Variants in CAPN3 observed in about 807,000 individuals in gnomAD.
CAPN3 encodes calpain-3.
Under a neutral mutation model 114.0 loss-of-function variants are expected in CAPN3, and 88 were observed. The ratio of observed to expected loss-of-function variants is 0.77; its 90% CI spans 0.65 to 0.92. The LOEUF is 0.92. Among genes scored for constraint, CAPN3 ranks in the 40% least tolerant of loss-of-function variants. CAPN3 has a pLI of 0.00. For synonymous variants in CAPN3, 386 were observed against 382.9 expected (o/e 1.01, Z -0.09); for missense variants, 1,028 against 1,069.0 (o/e 0.96, Z 0.53).
intron 10 of CAPN3, among the ~76,000 whole-genome samples, chr15:42,400,400 A>G (rs948436188): frequency 1.3e-5 from 2 of 152,194 alleles, no homozygotes; most frequent in African/African-American, 4.8e-5. Context: ...AATGATGTCA[A>G]GATTCCCAGT....
chr15:42,402,744 G>C (rs1432635522), intron 12 of CAPN3, 50 bp from the exon 13 acceptor site: 1 of 1,595,050 alleles, frequency 6.3e-7, no homozygotes, highest in South Asian at 1.1e-5. Flanking sequence ...GGCAGGACAG[G>C]ATGTTCCTCC....
chr15:42,411,688 C>CGGGGG, intron 23 of CAPN3, 59 bp from the exon 24 acceptor site: 1 of 455,374 alleles, frequency 2.2e-6, no homozygotes, highest in South Asian at 1.9e-5. Flanking sequence ...ATTCCTAGGG[C>CGGGGG]GGGGGGGGGG....
In CAPN3 at chr15:42,411,693, G is replaced by T. The variant is rs866034626; in HGVS notation, c.2440-54G>T. The T allele has an allele frequency of 2.1e-4, 146 of 708,800 alleles. 6 individuals are homozygous for T. The highest frequency in any genetic ancestry group is 1.2e-3 in the African/African-American group (51 of 41,108). The allele number at this position is 708,800 out of a possible 1,614,324, so 43.9% of individuals were successfully genotyped here. A position where few individuals can be genotyped will look rare whatever the true frequency, so the allele number is the denominator to read the frequency against. ...GCCCCGTAAGATTCCTAGGGCGGGG[G>T]GGGGGGGGGTCACTCTTTTCTGATC... On this transcript the variant is annotated intron_variant, in intron 23 of 23. Coordinates refer to ENST00000397163, the MANE Select transcript of CAPN3 (RefSeq NM_000070.3).
At chr15:42,407,147 G>A (rs953969236) in intron 15 of CAPN3, among the ~76,000 whole-genome samples, 43 of 152,076 alleles carry the variant, frequency 2.8e-4, no homozygotes, top group African/African-American at 8.0e-4. Context: ...GCCGCTCTCC[G>A]TCCTTTTCAT....
intron 1 of CAPN3, 59 bp downstream of exon 1, chr15:42,360,173 A>C: frequency 6.3e-7 from 1 of 1,595,940 alleles, no homozygotes; most frequent in East Asian, 2.2e-5. Flanking sequence ...CCTCTCACTC[A>C]GCACCTCCGG....
chr15:42,386,048 G>A (rs2053394949), intron 2 of CAPN3, 119 bp from the exon 3 acceptor site: 1 of 780,660 alleles, frequency 1.3e-6, no homozygotes, highest in Admixed American at 1.7e-5. Context: ...CTGGAAGTAG[G>A]AGAGTGGGCA....
At chr15:42,389,565 A>C (rs1161030587) in intron 5 of CAPN3, among the ~76,000 whole-genome samples, 1 of 152,214 alleles carries the variant, frequency 6.6e-6, no homozygotes. Flanking sequence ...AATGCTGTGA[A>C]CTGAGACAGG....
chr15:42,368,997 T>A (rs1464771217), intron 1 of CAPN3, among the ~76,000 whole-genome samples: 2 of 151,824 alleles, frequency 1.3e-5, no homozygotes, highest in Admixed American at 6.6e-5. Context: ...TAAAGACAGG[T>A]TTATTTTGGA....
chr15:42,398,636 T>C (rs150891938), intron 9 of CAPN3, among the ~76,000 whole-genome samples: 2,594 of 116,252 alleles, frequency 0.022, 36 homozygotes, highest in East Asian at 0.039. Flanking sequence ...CACACACACA[T>C]ATATATACAC....
At chr15:42,364,354 G>A (rs185095903) in intron 1 of CAPN3, among the ~76,000 whole-genome samples, 1 of 152,286 alleles carries the variant, frequency 6.6e-6, no homozygotes, top group African/African-American at 2.4e-5. Context: ...CAGGCTAAAG[G>A]CTTAAGACCA....
chr15:42,402,081 C>T lies in CAPN3; in HGVS notation c.1525-43C>T, dbSNP rs754561021. The T allele has an allele frequency of 4.3e-6, 7 of 1,613,462 alleles. No homozygotes were observed. In the African/African-American group the frequency reaches 9.3e-5, roughly 22 times the overall value. ...CATTGCCTTCCGCAGGCTCCTCATCCTCATTCACATCTGAAGCATCTTCCT... is the reference window on the plus strand; with the variant it reads ...CATTGCCTTCCGCAGGCTCCTCATCTTCATTCACATCTGAAGCATCTTCCT... On this transcript the variant is annotated intron_variant, in intron 11 of 23. Coordinates refer to ENST00000397163, the MANE Select transcript of CAPN3 (RefSeq NM_000070.3).
chr15:42,388,150 C>T lies in CAPN3; in HGVS notation c.632+264C>T, dbSNP rs545932246. Among the ~76,000 whole-genome samples, 108 of 152,294 alleles carry T rather than the reference C, an allele frequency of 7.1e-4. 1 individual carries two copies. Among genetic ancestry groups the T allele is most frequent in the Non-Finnish European group, 9.6e-4 (65 of 68,032 alleles). ...TACCATAGCGAGTTCTTTCATTGCA[C>T]CTCCATGGTGGCATTGCAAGTCTTG... On this transcript the variant is annotated intron_variant, in intron 4 of 23. Transcript: ENST00000397163.
chr15:42,408,914 T>G, intron 16 of CAPN3: 1 of 302,486 alleles, frequency 3.3e-6, no homozygotes. Context: ...CTAGGGGAGG[T>G]TCTCTGAGGA....
chr15:42,405,500 T>C (rs533178723), intron 14 of CAPN3, among the ~76,000 whole-genome samples: 1 of 152,204 alleles, frequency 6.6e-6, no homozygotes, highest in East Asian at 1.9e-4. Flanking sequence ...TTAGTCGAGA[T>C]GGGGTTTCAC....
chr15:42,362,828 A>G (rs1436749948), intron 1 of CAPN3, among the ~76,000 whole-genome samples: 1 of 152,242 alleles, frequency 6.6e-6, no homozygotes, highest in African/African-American at 2.4e-5. Flanking sequence ...TCAGTTCTCC[A>G]TAAACTTCTT....
chr15:42,410,373 C>T, intron 19 of CAPN3, 55 bp from the exon 20 acceptor site: 2 of 1,559,566 alleles, frequency 1.3e-6, no homozygotes, highest in Non-Finnish European at 1.8e-6. Flanking sequence ...GACCCTCCCT[C>T]CAAATCCAGG....
intron 8 of CAPN3, among the ~76,000 whole-genome samples, chr15:42,395,167 T>C (rs2053657465): frequency 6.6e-6 from 1 of 152,152 alleles, no homozygotes; most frequent in Non-Finnish European, 1.5e-5. Flanking sequence ...ACCTACTACA[T>C]AGGAGGCACA....
At chr15:42,402,428 G>C (rs2053899027) in intron 12 of CAPN3, 1 of 1,434,322 alleles carries the variant, frequency 7.0e-7, no homozygotes, top group Non-Finnish European at 9.1e-7. Context: ...CAGTCACACA[G>C]ACGCGTTCTG....
intron 9 of CAPN3, among the ~76,000 whole-genome samples, chr15:42,397,595 G>C (rs1351605589): frequency 6.6e-6 from 1 of 150,740 alleles, no homozygotes; most frequent in Non-Finnish European, 1.5e-5. Context: ...AGTGAGCCCA[G>C]ATTGCGCCAC....
Sources: gnomAD v4.1 joint callset for allele counts (sites outside exome capture counted in the v4.1 genomes callset) on GRCh38, gnomAD v4.1.1 for gene constraint, MANE v1.5 for transcripts, NCBI Gene and HGNC (gene_info 2026-07-23, HGNC 2026-07-21) for gene names.